Variants in SSC5D observed in about 807,000 individuals in gnomAD.
The protein encoded by SSC5D is soluble scavenger receptor cysteine-rich domain-containing protein SSC5D.
SSC5D carries 106 observed loss-of-function variants against 104.6 expected under a neutral mutation model. That is an observed-to-expected ratio of 1.01 (90% CI 0.87 to 1.19). The LOEUF (loss-of-function observed/expected upper bound fraction) is 1.19. Among genes scored for constraint, SSC5D ranks in the 50% most tolerant of loss-of-function variants. SSC5D has a pLI of 0.00. For missense variants in SSC5D, 1,993 were observed against 2,153.8 expected, an observed-to-expected ratio of 0.93 and a Z score of 1.48; for synonymous variants, 860 against 883.5, an observed-to-expected ratio of 0.97 and a Z score of 0.47.
chr19:55,493,971 G>GCCCCCCCCCC, intron 7 of SSC5D, 59 bp downstream of exon 7: 1 of 492,788 alleles, frequency 2.0e-6, no homozygotes. Context: ...GAGCGGAGGG[G>GCCCCCCCCCC]CAAGTTCGGC....
chr19:55,516,327 C>A (rs893703433), intron 13 of SSC5D, among the ~76,000 whole-genome samples: 6 of 152,098 alleles, frequency 3.9e-5, no homozygotes, highest in Non-Finnish European at 8.8e-5. Context: ...GAAACCCCGT[C>A]TCTACTAAAA....
chr19:55,515,731 C>CA (rs35843272), intron 13 of SSC5D, among the ~76,000 whole-genome samples: 124,427 of 142,512 alleles, frequency 0.87, 53,865 homozygotes, highest in South Asian at 0.95. Context: ...GACTCCGTCT[C>CA]AAAAAAAAAA....
At chr19:55,494,892 GA>G in intron 8 of SSC5D, 109 bp downstream of exon 8, 1 of 1,293,604 alleles carries the variant, frequency 7.7e-7, no homozygotes, top group Non-Finnish European at 1.0e-6. Flanking sequence ...AGGTGGAGAA[GA>G]GGAGCACAGG....
chr19:55,495,229 A>ATTTT (rs1987284594), intron 8 of SSC5D, among the ~76,000 whole-genome samples: 2 of 24,998 alleles, frequency 8.0e-5, no homozygotes, highest in East Asian at 1.5e-3. Context: ...ATATATATAT[A>ATTTT]TATATTTTTT....
chr19:55,491,222 C>T lies in SSC5D; in HGVS notation c.895+142C>T, dbSNP rs527892238. ...CTGCATGCCCAGCGCCCACTCACCA[C>T]GCTCTCCAGCCCCTCCTTCCACAGC... On this transcript the variant is annotated intron_variant, in intron 6 of 13. Coordinates refer to ENST00000389623, the MANE Select transcript of SSC5D (RefSeq NM_001144950.2). The T allele has an allele frequency of 9.8e-5, 88 of 897,860 alleles. No individual in the cohort carries two copies. In the South Asian group the frequency reaches 1.2e-3, roughly 13 times the overall value. The allele number at this position is 897,860 out of a possible 1,614,324, so 55.6% of individuals were successfully genotyped here. A position where few individuals can be genotyped will look rare whatever the true frequency, so the allele number is the denominator to read the frequency against.
At chr19:55,493,194 TA>T (rs1434614264) in intron 6 of SSC5D, among the ~76,000 whole-genome samples, 1 of 152,080 alleles carries the variant, frequency 6.6e-6, no homozygotes, top group Non-Finnish European at 1.5e-5. Context: ...TTGTCGCAGC[TA>T]GGGGGAGGGG....
rs1457845319 is a variant in SSC5D, at chr19:55,489,354, AGCGCCT to A, written c.61_66del (p.Arg21_Leu22del). The A allele has an allele frequency of 1.4e-6, 2 of 1,443,398 alleles. No homozygotes were observed. The highest frequency in any genetic ancestry group is 1.5e-5 in the African/African-American group (1 of 66,620). 89.4% of individuals were successfully genotyped at this position (1,443,398 alleles called of 1,614,324 possible). ...TCACAGCCATTCCTCCAACCCTCAGAGCGCCTGCGCCTGGCCGATGGCCCCCATGGG... is the reference window on the plus strand; with the variant it reads ...TCACAGCCATTCCTCCAACCCTCAGAGCGCCTGGCCGATGGCCCCCATGGG... On this transcript the variant is annotated inframe_deletion and splice_region_variant, in exon 3 of 14. Transcript: ENST00000389623.
At chr19:55,490,090 G>A (rs1275911021) in intron 4 of SSC5D, 95 bp downstream of exon 4, 10 of 523,306 alleles carry the variant, frequency 1.9e-5, no homozygotes, top group Middle Eastern at 5.9e-4. Flanking sequence ...CCCACCCAGC[G>A]TGCCCTCCTG....
Position 55,518,857 on chromosome 19 carries a change from G to A in SSC5D, c.4581G>A (p.Gln1527=), listed in dbSNP as rs1381211840. The change falls in exon 14 of 14, where the codon CAG becomes CAA. Residue 1527 remains glutamine, a synonymous_variant. Transcript: ENST00000389623. ...AAGCCCTGCTGCTGGGGCTGACGCA[G>A]CTGGTAGAAGCTGCCCGGGGTCTGG... ...ERQALLLGLT[Q]LVEAARGLGQ... is the part of the protein sequence containing the mutation. The A allele has an allele frequency of 1.3e-6, 2 of 1,550,338 alleles. No homozygotes were observed. Among genetic ancestry groups the A allele is most frequent in the Non-Finnish European group, 1.7e-6 (2 of 1,146,996 alleles).
chr19:55,490,715 G>A (rs937488469), intron 5 of SSC5D, 57 bp from the exon 6 acceptor site: 1 of 1,433,484 alleles, frequency 7.0e-7, no homozygotes. Context: ...AATCGAGGAA[G>A]GGGTGTTTGA....
In SSC5D at chr19:55,490,829, A is replaced by T. The variant is rs1987119536; in HGVS notation, c.644A>T (p.His215Leu). 8 of 1,547,184 alleles carry T rather than the reference A, an allele frequency of 5.2e-6. No homozygotes were observed. The highest frequency in any genetic ancestry group is 7.0e-6 in the Non-Finnish European group (8 of 1,145,614). ...HRCAGRLEVW[H>L]GGRWGTVCDD... ...TGCGCCGGACGCCTGGAGGTCTGGC[A>T]CGGCGGGCGCTGGGGCACCGTATGT... is the stretch of plus-strand genomic sequence containing the variant. The change falls in exon 6 of 14, where the codon CAC becomes CTC. Residue 215 changes from histidine to leucine, a missense_variant. Physicochemically the swap from His to Leu is moderately conservative, Grantham distance 99. Transcript: ENST00000389623.
rs980043375 is a variant in SSC5D, at chr19:55,500,172, G to A, written c.2062G>A (p.Ala688Thr). 2.4e-5 allele frequency: 37 copies of A among 1,550,992 alleles called. 1 individual carries two copies. In the Middle Eastern group the frequency reaches 3.3e-3, roughly 140 times the overall value. Residue 688 changes from alanine to threonine, a missense_variant, in exon 10 of 14, where the codon GCC becomes ACC. By Grantham distance (58) the Ala-to-Thr change is moderately conservative. Around this residue, in one of 6 missense-constraint regions of SSC5D, gnomAD observed 1,101 missense variants for 1,085.0 expected, o/e 1.01. Transcript: ENST00000389623. This position sits in a 1 kb window ranked among gnomAD's most constrained non-coding sequence, Gnocchi z 4.6. ...GTTTACCAGAAGGCCGACCACGGAG[G>A]CCCCCCAGAGATGGACCTCTCACAC... The part of the protein sequence containing the change: ...SEFTRRPTTE[A>T]PQRWTSHTTA...
intron 13 of SSC5D, among the ~76,000 whole-genome samples, chr19:55,514,331 G>A (rs980196401): frequency 5.9e-5 from 9 of 151,694 alleles, no homozygotes; most frequent in Non-Finnish European, 1.0e-4. Context: ...CGTGAACCCA[G>A]GAGGCAGAGC....
In SSC5D at chr19:55,505,123, T is replaced by A. The variant is rs1599924648; in HGVS notation, c.2785+3922T>A. On this transcript the variant is annotated intron_variant, in intron 12 of 13. Coordinates refer to ENST00000389623, the MANE Select transcript of SSC5D (RefSeq NM_001144950.2). ...CCCGGATTAGAACTAGTTGGGTGAC[T>A]GCAGGCCCCAATTCAATGAACAAAA... Among the ~76,000 whole-genome samples the A allele has an allele frequency of 2.6e-5, 4 of 151,908 alleles. No homozygotes were observed. In the Middle Eastern group the frequency reaches 0.01, roughly 388 times the overall value.
intron 13 of SSC5D, among the ~76,000 whole-genome samples, chr19:55,513,971 A>T (rs115254870): frequency 1.3e-5 from 2 of 152,346 alleles, no homozygotes; most frequent in Admixed American, 1.3e-4. Context: ...GGAACCAGAA[A>T]ATACAAATTA....
Position 55,513,005 on chromosome 19 carries a change from C to T in SSC5D, c.2786-6C>T, listed in dbSNP as rs533897603. 2 of 1,552,008 alleles carry T rather than the reference C, an allele frequency of 1.3e-6. No homozygotes were observed. The highest frequency in any genetic ancestry group is 2.4e-5 in the South Asian group (2 of 84,066). On this transcript the variant is annotated splice_region_variant and splice_polypyrimidine_tract_variant and intron_variant, in intron 12 of 13. Transcript: ENST00000389623. Reference sequence around the variant, plus strand: ...AGACTCAATCCTCTTCCCCATATCTCTCTAGGCAGCAAAGATGGTTACAAG... The same window carrying T: ...AGACTCAATCCTCTTCCCCATATCTTTCTAGGCAGCAAAGATGGTTACAAG...
chr19:55,489,288 A>G (rs913266737), intron 2 of SSC5D, 66 bp from the exon 3 acceptor site: 1 of 1,403,206 alleles, frequency 7.1e-7, no homozygotes, highest in Non-Finnish European at 9.2e-7. Flanking sequence ...CTGCCCCTAC[A>G]GTTGCCCTGG....
rs1326410997 is a variant in SSC5D at position 55,500,173 on chromosome 19, C to A, written c.2063C>A (p.Ala688Asp). The change falls in exon 10 of 14, where the codon GCC becomes GAC. Residue 688 changes from alanine (A) to aspartate (D), a missense_variant. By Grantham distance (126) the Ala-to-Asp change is moderately radical. Around this residue, in one of 6 missense-constraint regions of SSC5D, gnomAD observed 1,101 missense variants for 1,085.0 expected, o/e 1.01. Transcript: ENST00000389623. The surrounding 1 kb of genome is among the most constrained non-coding windows in gnomAD (Gnocchi z 4.6). ...SEFTRRPTTE[A>D]PQRWTSHTTA... ...TTTACCAGAAGGCCGACCACGGAGG[C>A]CCCCCAGAGATGGACCTCTCACACC... is the stretch of plus-strand genomic sequence containing the variant. 5 of 1,551,154 alleles carry A rather than the reference C, an allele frequency of 3.2e-6. No homozygotes were observed. The highest frequency in any genetic ancestry group is 2.0e-5 in the Admixed American group (1 of 50,920).
chr19:55,510,623 A>AGGC (rs1352841707), intron 12 of SSC5D, among the ~76,000 whole-genome samples: 1 of 152,248 alleles, frequency 6.6e-6, no homozygotes, highest in Non-Finnish European at 1.5e-5. Context: ...CTGGGATTAC[A>AGGC]GGCGTGAGCC....
Sources: gnomAD v4.1 joint callset for allele counts (sites outside exome capture counted in the v4.1 genomes callset) on GRCh38, gnomAD v4.1.1 for gene constraint, gnomAD v4.1.1 regional missense constraint, Gnocchi (gnomAD v3.1) non-coding constraint, MANE v1.5 for transcripts, NCBI Gene and HGNC (gene_info 2026-07-23, HGNC 2026-07-21) for gene names.